ABCC9: variants seen among roughly 807,000 people sequenced by gnomAD.
ABCC9 encodes the protein ATP-binding cassette sub-family C member 9.
ABCC9 carries 95 observed loss-of-function variants against 188.3 expected under a neutral mutation model. That is an observed-to-expected ratio of 0.50 (90% CI 0.43 to 0.60). The LOEUF (loss-of-function observed/expected upper bound fraction) is 0.60. Among genes scored for constraint, ABCC9 ranks in the 20% least tolerant of loss-of-function variants. ABCC9 has a pLI of 0.00. For missense variants in ABCC9, 1,102 were observed against 1,876.3 expected, an observed-to-expected ratio of 0.59 and a Z score of 7.62; for synonymous variants, 659 against 652.7, an observed-to-expected ratio of 1.01 and a Z score of -0.15.
rs575882762 is a variant in ABCC9, at chr12:21,891,530, C to G, written c.1802+2502G>C. The stretch of plus-strand genomic sequence containing the variant: ...TCCATTTTATGAGGTATATACAGGT[C>G]TCAGCCATTGAATGCCATGAAGCCC... On this transcript the variant is annotated intron_variant, in intron 14 of 39. Coordinates refer to ENST00000261200, the MANE Select transcript of ABCC9 (RefSeq NM_020297.4). Among the ~76,000 whole-genome samples, 5 of 152,208 alleles carry G rather than the reference C, an allele frequency of 3.3e-5. No homozygotes were observed. The East Asian group carries it at 9.6e-4, about 29-fold the overall frequency.
intron 8 of ABCC9, among the ~76,000 whole-genome samples, chr12:21,911,598 G>A (rs1297686629): frequency 1.3e-5 from 2 of 151,940 alleles, no homozygotes; most frequent in East Asian, 3.9e-4. Context: ...ATAGCATATG[G>A]TAACTTGTTT....
intron 15 of ABCC9, among the ~76,000 whole-genome samples, chr12:21,884,199 G>A (rs1050212424): frequency 1.3e-5 from 2 of 151,566 alleles, no homozygotes; most frequent in Non-Finnish European, 2.9e-5. Flanking sequence ...AGCCTCCTGA[G>A]AAGCTGAGAC....
At chr12:21,802,135 G>A (rs1003664534) in intron 39 of ABCC9, among the ~76,000 whole-genome samples, 2 of 151,914 alleles carry the variant, frequency 1.3e-5, no homozygotes, top group African/African-American at 4.8e-5. Flanking sequence ...TGTTAGTAGT[G>A]CAATCTTGAG....
At chr12:21,937,347 T>C (rs1246742800) in intron 2 of ABCC9, among the ~76,000 whole-genome samples, 1 of 152,154 alleles carries the variant, frequency 6.6e-6, no homozygotes, top group Non-Finnish European at 1.5e-5. Context: ...AAATACACTC[T>C]ACGCAAGTTT....
intron 39 of ABCC9, among the ~76,000 whole-genome samples, chr12:21,804,576 C>G: frequency 6.6e-6 from 1 of 152,204 alleles, no homozygotes; most frequent in Non-Finnish European, 1.5e-5. Flanking sequence ...TTGGGTGACT[C>G]TCCTCTGGGA....
chr12:21,892,279 A>T (rs1178153004), intron 14 of ABCC9, among the ~76,000 whole-genome samples: 1 of 152,156 alleles, frequency 6.6e-6, no homozygotes, highest in Non-Finnish European at 1.5e-5. Flanking sequence ...TTTTTTAATC[A>T]AGTCAAAGTC....
intron 21 of ABCC9, among the ~76,000 whole-genome samples, chr12:21,860,550 T>C (rs1945453737): frequency 6.6e-6 from 1 of 152,200 alleles, no homozygotes. Flanking sequence ...GTCTGAATAA[T>C]ATGACATCAA....
intron 4 of ABCC9, among the ~76,000 whole-genome samples, chr12:21,929,566 G>T (rs1949191326): frequency 6.6e-6 from 1 of 151,734 alleles, no homozygotes; most frequent in East Asian, 1.9e-4. Flanking sequence ...AATTCATAAA[G>T]GTTTTATTTA....
chr12:21,818,311 A>C lies in ABCC9; in HGVS notation c.3670-60T>G, dbSNP rs3741842. ...CTCCCAAGTTCTTAAACCAAGTTCA[A>C]TCAATTTACAGAGGTGATCACTAAG... On this transcript the variant is annotated intron_variant, in intron 31 of 39. Coordinates refer to ENST00000261200, the MANE Select transcript of ABCC9 (RefSeq NM_020297.4). 4 of 1,299,798 alleles carry C rather than the reference A, an allele frequency of 3.1e-6. No homozygotes were observed. In the African/African-American group the frequency reaches 5.8e-5, roughly 19 times the overall value. The allele number at this position is 1,299,798 out of a possible 1,614,324, so 80.5% of individuals were successfully genotyped here. A position where few individuals can be genotyped will look rare whatever the true frequency, so the allele number is the denominator to read the frequency against.
In ABCC9 at chr12:21,913,082, AG is replaced by A; in HGVS notation, c.817-17del. 6.3e-7 allele frequency: 1 copy of A among 1,579,798 alleles called. No homozygotes were observed. The highest frequency in any genetic ancestry group is 8.6e-7 in the Non-Finnish European group (1 of 1,161,322). ...CAACTTTTTTCTGAAGAAAAAAAAA[AG>A]AAAAAAAAAACAGATGTAACAAAAT... On this transcript the variant is annotated splice_polypyrimidine_tract_variant and intron_variant, in intron 7 of 39. Coordinates refer to ENST00000261200, the MANE Select transcript of ABCC9 (RefSeq NM_020297.4).
chr12:21,869,986 C>T (rs1300636740), intron 18 of ABCC9, among the ~76,000 whole-genome samples: 1 of 152,048 alleles, frequency 6.6e-6, no homozygotes, highest in African/African-American at 2.4e-5. Flanking sequence ...AATTTCATTC[C>T]TGGATCAAAC....
intron 29 of ABCC9, among the ~76,000 whole-genome samples, chr12:21,841,342 GTTTCCTTTTTTTTTTT>G (rs1687447319): frequency 8.7e-6 from 1 of 115,188 alleles, no homozygotes; most frequent in African/African-American, 3.3e-5. Flanking sequence ...TATGTTTCTG[GTTTCCTTTTTTTTTTT>G]TTTTTTTTTT....
chr12:21,801,261 A>G, intron 39 of ABCC9, 80 bp from the exon 40 acceptor site: 2 of 1,566,784 alleles, frequency 1.3e-6, no homozygotes, highest in Non-Finnish European at 1.7e-6. Flanking sequence ...TATTTCATGA[A>G]TTATTCTGGG....
At chr12:21,852,914 C>G (rs1945041990) in intron 22 of ABCC9, among the ~76,000 whole-genome samples, 1 of 152,146 alleles carries the variant, frequency 6.6e-6, no homozygotes, top group African/African-American at 2.4e-5. Context: ...CTTACAGAAT[C>G]AGCAAGTTCA....
chr12:21,867,684 G>C (rs1043790356), intron 18 of ABCC9, among the ~76,000 whole-genome samples: 2 of 152,016 alleles, frequency 1.3e-5, no homozygotes, highest in African/African-American at 4.8e-5. Context: ...CACATGAAAA[G>C]GAATATTTCC....
At chr12:21,904,450 C>T (rs1187329129) in intron 12 of ABCC9, among the ~76,000 whole-genome samples, 2 of 152,128 alleles carry the variant, frequency 1.3e-5, no homozygotes, top group African/African-American at 2.4e-5. Flanking sequence ...AACTAAAGAG[C>T]TTCTGCACTG....
intron 30 of ABCC9, among the ~76,000 whole-genome samples, chr12:21,829,355 CCA>C (rs1483324371): frequency 1.3e-5 from 2 of 151,872 alleles, no homozygotes; most frequent in Non-Finnish European, 2.9e-5. Flanking sequence ...GCACCCGCCA[CCA>C]TGCCCGGCTA....
chr12:21,888,209 C>T (rs895660468), intron 14 of ABCC9, among the ~76,000 whole-genome samples: 9 of 152,084 alleles, frequency 5.9e-5, no homozygotes, highest in Non-Finnish European at 1.2e-4. Context: ...ACAGAACCTT[C>T]TTTGCATTTT....
chr12:21,894,482 A>G (rs539771546), intron 13 of ABCC9, among the ~76,000 whole-genome samples: 2 of 152,334 alleles, frequency 1.3e-5, no homozygotes, highest in South Asian at 4.1e-4. Context: ...AGAGTTTTCA[A>G]CAACCAGTCA....
Sources: allele counts gnomAD v4.1 joint callset (sites outside exome capture counted in the v4.1 genomes callset), GRCh38; gene constraint gnomAD v4.1.1; transcripts MANE v1.5; gene names NCBI Gene and HGNC (gene_info 2026-07-23, HGNC 2026-07-21).